Variants in SPRY3 observed in about 807,000 individuals in gnomAD.
SPRY3 encodes the protein protein sprouty homolog 3.
SPRY3 carries 15 observed loss-of-function variants against 20.2 expected under a neutral mutation model. The ratio of observed to expected loss-of-function variants is 0.74; its 90% CI spans 0.50 to 1.14. The LOEUF is 1.14. SPRY3 is among the 50% of genes most tolerant of loss of function. The pLI is 0.00. For missense variants in SPRY3, 364 were observed against 363.9 expected (o/e 1.00, Z 0.00); for synonymous variants, 143 against 136.5 (o/e 1.05, Z -0.33).
intron 1 of SPRY3, among the ~76,000 whole-genome samples, chrX:155,617,850 T>C (rs1392079693): frequency 8.9e-6 from 1 of 111,875 alleles, no homozygotes; most frequent in African/African-American, 3.2e-5. Context: ...TGGTCATATA[T>C]TTCTTTGGTT....
At chrX:155,762,657 T>A (rs2091309174) in intron 2 of SPRY3, among the ~76,000 whole-genome samples, 1 of 152,002 alleles carries the variant, frequency 6.6e-6, no homozygotes, top group South Asian at 2.1e-4. Flanking sequence ...ATAATTGAGG[T>A]TGGTCTCACA....
intron 2 of SPRY3, among the ~76,000 whole-genome samples, chrX:155,663,821 A>T (rs2068017130): frequency 9.0e-6 from 1 of 111,394 alleles, no homozygotes; most frequent in Admixed American, 9.6e-5. Context: ...TAGAGCAAAA[A>T]TACAATTTTT....
chrX:155,748,711 A>G (rs1329500620), intron 2 of SPRY3, among the ~76,000 whole-genome samples: 2 of 151,866 alleles, frequency 1.3e-5, no homozygotes, highest in South Asian at 4.2e-4. Context: ...TGACTGCTAC[A>G]TGGAATCAGA....
chrX:155,615,043 T>C (rs1169103692), intron 1 of SPRY3, among the ~76,000 whole-genome samples: 1 of 111,942 alleles, frequency 8.9e-6, no homozygotes, highest in Non-Finnish European at 1.9e-5. Context: ...GGCTTTTTTT[T>C]TTTATCTGTG....
At chrX:155,617,660 G>A (rs1184589117) in intron 1 of SPRY3, among the ~76,000 whole-genome samples, 1 of 111,546 alleles carries the variant, frequency 9.0e-6, no homozygotes, top group African/African-American at 3.3e-5. Context: ...ATGTTGGGAC[G>A]GGTAAACATA....
intron 2 of SPRY3, among the ~76,000 whole-genome samples, chrX:155,721,183 AT>A (rs1673618952): frequency 6.6e-6 from 1 of 152,186 alleles, no homozygotes; most frequent in South Asian, 2.1e-4. Flanking sequence ...CCATAACAGA[AT>A]TGATCAGGCA....
chrX:155,780,556 A>G (rs1173505656), downstream of SPRY3: 1 of 166,996 alleles, frequency 6.0e-6, no homozygotes, highest in Non-Finnish European at 1.5e-5. Context: ...TTCTTTATAT[A>G]GAAAAGTATT....
chrX:155,630,799 A>G lies in SPRY3; in HGVS notation c.-441+18152A>G, dbSNP rs782771102. 4.1e-4 allele frequency among the ~76,000 whole-genome samples: 46 copies of G among 111,162 alleles called. 1 individual carries two copies. Among genetic ancestry groups the G allele is most frequent in the African/African-American group, 1.4e-3 (43 of 30,599 alleles). On this transcript the variant is annotated intron_variant, in intron 1 of 3. Transcript: ENST00000675360. The stretch of plus-strand genomic sequence containing the variant: ...GGAAATTTTTCTATTATTTCTTTGA[A>G]TAAGCTTAGATCCCTTTCTCTTTCT...
intron 2 of SPRY3, among the ~76,000 whole-genome samples, chrX:155,710,897 A>G (rs1390047496): frequency 6.6e-6 from 1 of 151,654 alleles, no homozygotes; most frequent in East Asian, 1.9e-4. Context: ...AATTTATCAA[A>G]TCTTTATTAA....
chrX:155,687,082 C>A (rs906499171), intron 2 of SPRY3, among the ~76,000 whole-genome samples: 1 of 112,588 alleles, frequency 8.9e-6, no homozygotes, highest in Non-Finnish European at 1.9e-5. Context: ...TTTTAGCATT[C>A]TCAAATAGCT....
chrX:155,653,738 A>G (rs1453056886), intron 1 of SPRY3, among the ~76,000 whole-genome samples: 3 of 112,146 alleles, frequency 2.7e-5, no homozygotes, highest in African/African-American at 9.7e-5. Flanking sequence ...ACTTGGACTC[A>G]TTGCAATTCC....
intron 2 of SPRY3, among the ~76,000 whole-genome samples, chrX:155,726,762 G>A (rs914094525): frequency 2.0e-5 from 3 of 152,128 alleles, no homozygotes; most frequent in African/African-American, 7.2e-5. Flanking sequence ...GATGGGTCTT[G>A]ACTCTTTATC....
chrX:155,642,504 C>A (rs1266533584), intron 1 of SPRY3, among the ~76,000 whole-genome samples: 3 of 110,213 alleles, frequency 2.7e-5, no homozygotes, highest in Non-Finnish European at 3.8e-5. Context: ...TTTATTATTT[C>A]TTTTCTTCTA....
chrX:155,768,720 A>G (rs2091363065), intron 3 of SPRY3, among the ~76,000 whole-genome samples: 1 of 152,206 alleles, frequency 6.6e-6, no homozygotes, highest in Non-Finnish European at 1.5e-5. Context: ...GTACGTGTGC[A>G]CATGTCTCTG....
chrX:155,686,025 T>C (rs1026690123), intron 2 of SPRY3, among the ~76,000 whole-genome samples: 10 of 111,786 alleles, frequency 8.9e-5, no homozygotes, highest in African/African-American at 3.3e-4. Flanking sequence ...CCGCCTGCCT[T>C]GGCCTCCCAA....
intron 2 of SPRY3, among the ~76,000 whole-genome samples, chrX:155,697,332 T>C (rs1488063665): frequency 9.1e-6 from 1 of 110,228 alleles, no homozygotes; most frequent in East Asian, 2.9e-4. Context: ...GCCTTTGAAT[T>C]TGGACGGGAA....
At chrX:155,637,354 T>G (rs1341508546) in intron 1 of SPRY3, among the ~76,000 whole-genome samples, 1 of 111,259 alleles carries the variant, frequency 9.0e-6, no homozygotes, top group Non-Finnish European at 1.9e-5. Context: ...TGTGTTATGC[T>G]CTGTGATGTT....
chrX:155,744,707 T>C (rs1268409006), intron 2 of SPRY3, among the ~76,000 whole-genome samples: 1 of 151,982 alleles, frequency 6.6e-6, no homozygotes, highest in Non-Finnish European at 1.5e-5. Context: ...CAACCATTGC[T>C]CACATTGTGT....
At chrX:155,732,536 C>T (rs759433507) in intron 2 of SPRY3, among the ~76,000 whole-genome samples, 1 of 152,048 alleles carries the variant, frequency 6.6e-6, no homozygotes, top group South Asian at 2.1e-4. Flanking sequence ...AAAGGGAAAC[C>T]TCATACTGTC....
Sources: allele counts gnomAD v4.1 joint callset (sites outside exome capture counted in the v4.1 genomes callset), GRCh38; gene constraint gnomAD v4.1.1; transcripts MANE v1.5; gene names NCBI Gene and HGNC (gene_info 2026-07-23, HGNC 2026-07-21).